The following NRK variants were observed in gnomAD, a reference collection of about 807,000 sequenced individuals.
The protein encoded by NRK is Nik related kinase.
In NRK, 67 loss-of-function variants were observed where a neutral mutation model predicts 125.2. The ratio of observed to expected loss-of-function variants is 0.54; its 90% confidence interval spans 0.44 to 0.66. The LOEUF is 0.66. NRK is among the 30% of genes least tolerant of loss of function. The pLI, the probability that NRK is intolerant of heterozygous loss-of-function variation, is 0.00. For synonymous variants in NRK, 458 were observed against 429.0 expected (o/e 1.07, Z -0.84); for missense variants, 1,224 against 1,192.9 (o/e 1.03, Z -0.38).
rs142053813 is a variant in NRK at position 105,874,202 on chromosome X, G to A, written c.124-5997G>A. Reference sequence around the variant, plus strand: ...CTCCCCACACTCCTACATCTATCTCGTAGATCTGCTTACAGAAATCATAGT... The same window carrying A: ...CTCCCCACACTCCTACATCTATCTCATAGATCTGCTTACAGAAATCATAGT... On this transcript the variant is annotated intron_variant, in intron 2 of 28. Transcript: ENST00000243300. 5.2e-3 allele frequency among the ~76,000 whole-genome samples: 584 copies of A among 111,260 alleles called. 2 individuals are homozygous for A. The highest frequency in any genetic ancestry group is 8.8e-3 in the Non-Finnish European group (464 of 52,969).
intron 22 of NRK, among the ~76,000 whole-genome samples, chrX:105,937,978 T>C (rs776163563): frequency 1.1e-3 from 125 of 111,004 alleles, no homozygotes; most frequent in African/African-American, 3.9e-3. Context: ...CAAAAGAGAG[T>C]TGTCCTTAGT....
chrX:105,881,631 G>A (rs2039885580), intron 3 of NRK, 77 bp from the exon 4 acceptor site: 1 of 532,589 alleles, frequency 1.9e-6, no homozygotes. Context: ...GAGTGCTAAC[G>A]TAGCTTAAAG....
At chrX:105,947,181 C>CTAAAATATA (rs2040824481) in intron 26 of NRK, among the ~76,000 whole-genome samples, 5 of 59,871 alleles carry the variant, frequency 8.4e-5, no homozygotes, top group African/African-American at 4.5e-4. Context: ...CGGTGCAACA[C>CTAAAATATA]GCCTGTAATC....
At chrX:105,851,883 G>A (rs767676258) in intron 2 of NRK, among the ~76,000 whole-genome samples, 7 of 111,079 alleles carry the variant, frequency 6.3e-5, no homozygotes, top group Non-Finnish European at 9.4e-5. Flanking sequence ...CACTGACCCT[G>A]GTTCATTTAA....
chrX:105,899,218 T>C (rs2040124417), intron 8 of NRK, among the ~76,000 whole-genome samples: 1 of 112,069 alleles, frequency 8.9e-6, no homozygotes, highest in African/African-American at 3.2e-5. Flanking sequence ...TAAGTAACAA[T>C]TCATGCTATT....
chrX:105,927,267 T>A, intron 19 of NRK, among the ~76,000 whole-genome samples: 1 of 111,517 alleles, frequency 9.0e-6, no homozygotes, highest in Non-Finnish European at 1.9e-5. Flanking sequence ...TTTTGTGATT[T>A]CTTTCTCAGC....
chrX:105,904,221 T>C (rs1359375981), intron 9 of NRK, among the ~76,000 whole-genome samples: 4 of 111,999 alleles, frequency 3.6e-5, no homozygotes, highest in Non-Finnish European at 3.8e-5. Flanking sequence ...TGGTTCTCCA[T>C]TGGGGATTTT....
chrX:105,948,270 A>G (rs752890063), intron 26 of NRK, among the ~76,000 whole-genome samples: 18 of 111,664 alleles, frequency 1.6e-4, no homozygotes, highest in Admixed American at 4.8e-4. Flanking sequence ...TGAGTTCTTA[A>G]AAATCACTTT....
Position 105,934,372 on chromosome X carries a change from T to A in NRK, c.3427T>A (p.Phe1143Ile). The change falls in exon 20 of 29, where the codon TTT (phenylalanine) becomes ATT (isoleucine). Residue 1143 changes from phenylalanine to isoleucine, a missense_variant. Phe to Ile is a conservative substitution (Grantham distance 21, BLOSUM62 0). Transcript: ENST00000243300. Reference protein sequence around the residue: ...DISESSTQSDFSANHSSPSKG... With the variant: ...DISESSTQSDISANHSSPSKG... ...ATCAGAATCATCAACACAATCAGAT[T>A]TTTCTGCCAATCACTCATCTCCTTC... 1 of 1,203,965 alleles carries A rather than the reference T, an allele frequency of 8.3e-7. No homozygotes were observed. The highest frequency in any genetic ancestry group is 1.1e-6 in the Non-Finnish European group (1 of 889,164).
At chrX:105,899,339 A>T (rs1407043717) in intron 8 of NRK, among the ~76,000 whole-genome samples, 1 of 111,672 alleles carries the variant, frequency 9.0e-6, no homozygotes, top group Non-Finnish European at 1.9e-5. Flanking sequence ...GACTGGAAAA[A>T]CCTCACTCAC....
chrX:105,947,805 G>T (rs2040836217), intron 26 of NRK, among the ~76,000 whole-genome samples: 1 of 112,208 alleles, frequency 8.9e-6, no homozygotes, highest in South Asian at 3.6e-4. Flanking sequence ...ACAGCTCTCA[G>T]AATTGTCTCA....
intron 16 of NRK, among the ~76,000 whole-genome samples, chrX:105,919,915 A>T (rs1273387470): frequency 9.4e-6 from 1 of 106,482 alleles, no homozygotes; most frequent in Non-Finnish European, 1.9e-5. Context: ...CCATTTGTCA[A>T]TTTTGTCTTT....
chrX:105,864,986 T>C (rs2039650918), intron 2 of NRK, among the ~76,000 whole-genome samples: 1 of 111,625 alleles, frequency 9.0e-6, no homozygotes, highest in Non-Finnish European at 1.9e-5. Flanking sequence ...TCTATTCTTC[T>C]AGCCATATAC....
intron 2 of NRK, among the ~76,000 whole-genome samples, chrX:105,849,047 C>T (rs2039436575): frequency 1.8e-5 from 2 of 111,600 alleles, no homozygotes; most frequent in African/African-American, 3.3e-5. Context: ...CTTATGCGGC[C>T]CTGTGTATTA....
intron 2 of NRK, among the ~76,000 whole-genome samples, chrX:105,861,787 G>A (rs765820963): frequency 8.9e-6 from 1 of 111,928 alleles, no homozygotes; most frequent in African/African-American, 3.2e-5. Context: ...AGCTGGGCAC[G>A]GTGGCTCATG....
chrX:105,924,730 A>G lies in NRK; in HGVS notation c.3011A>G (p.Asp1004Gly). ...SYGRDGSCKQ[D>G]GYDGSRGKEE... ...GGCAGAGATGGAAGCTGCAAGCAAG[A>G]TGGTTATGATGGAAGTCGTGGAAAA... The change falls in exon 19 of 29, where the codon GAT becomes GGT. Residue 1004 changes from aspartate (D) to glycine (G), a missense_variant. Coordinates refer to ENST00000243300, the MANE Select transcript of NRK (RefSeq NM_198465.4). 8.3e-7 allele frequency: 1 copy of G among 1,200,739 alleles called. No homozygotes were observed. The highest frequency in any genetic ancestry group is 1.1e-6 in the Non-Finnish European group (1 of 889,756).
rs762393334 is a variant in NRK at position 105,909,276 on chromosome X, G to T, written c.1635G>T (p.Val545=). 18 of 1,207,146 alleles carry T rather than the reference G, an allele frequency of 1.5e-5. No individual in the cohort carries two copies. Among genetic ancestry groups the T allele is most frequent in the Non-Finnish European group, 2.0e-5 (18 of 893,036 alleles). ...APEQQQRHNQ[V]PEQELEQNQA... is the part of the protein sequence containing the mutation. ...AACAACAGCAGAGGCACAACCAGGT[G>T]CCTGAACAAGAGCTGGAGCAGAACC... The change falls in exon 13 of 29, where the codon GTG becomes GTT. Residue 545 remains valine, a synonymous_variant. Transcript: ENST00000243300.
intron 2 of NRK, among the ~76,000 whole-genome samples, chrX:105,835,880 C>T (rs945705619): frequency 1.3e-4 from 15 of 111,554 alleles, no homozygotes; most frequent in African/African-American, 4.9e-4. Context: ...TCATGCTAAC[C>T]CACATTTGCT....
intron 1 of NRK, among the ~76,000 whole-genome samples, chrX:105,823,516 G>A (rs1227634900): frequency 9.0e-6 from 1 of 110,634 alleles, no homozygotes; most frequent in Non-Finnish European, 1.9e-5. Context: ...TTTTGGGGAA[G>A]GAGTGAATTC....
Sources: gnomAD v4.1 joint callset for allele counts (sites outside exome capture counted in the v4.1 genomes callset) on GRCh38, gnomAD v4.1.1 for gene constraint, MANE v1.5 for transcripts, NCBI Gene and HGNC (gene_info 2026-07-23, HGNC 2026-07-21) for gene names.